The following RGS6 variants were observed in gnomAD, a reference collection of about 807,000 sequenced individuals.
RGS6 encodes regulator of G protein signaling 6.
RGS6 carries 30 observed loss-of-function variants against 78.5 expected under a neutral mutation model. That is an observed-to-expected ratio of 0.38 (90% CI 0.29 to 0.52). RGS6 has a LOEUF of 0.52. Ranked by LOEUF, RGS6 falls within the 20% of genes least tolerant of loss-of-function variation. RGS6 has a pLI of 0.85. For missense variants in RGS6, 495 were observed against 609.7 expected (o/e 0.81, Z 1.98); for synonymous variants, 206 against 206.0 (o/e 1.00, Z 0.00).
Position 72,337,203 on chromosome 14 carries a change from G to A in RGS6, c.85-14892G>A, listed in dbSNP as rs576687322. On this transcript the variant is annotated intron_variant, in intron 2 of 17. Coordinates refer to ENST00000553525, the MANE Select transcript of RGS6 (RefSeq NM_001204424.2). Reference sequence around the variant, plus strand: ...ATGAGACTGTGGTGCTTCTGATGTGGCTCAGCTCTGGAACTGACTCCCACC... The same window carrying A: ...ATGAGACTGTGGTGCTTCTGATGTGACTCAGCTCTGGAACTGACTCCCACC... Among the ~76,000 whole-genome samples, 15 of 152,122 alleles carry A rather than the reference G, an allele frequency of 9.9e-5. No homozygotes were observed. In the South Asian group the frequency reaches 1.2e-3, roughly 13 times the overall value.
At chr14:72,529,640 A>C (rs1286102613) in intron 15 of RGS6, among the ~76,000 whole-genome samples, 1 of 151,948 alleles carries the variant, frequency 6.6e-6, no homozygotes, top group Admixed American at 6.5e-5. Flanking sequence ...GTGAAGCTGC[A>C]AGACCAGACC....
chr14:72,242,005 T>C (rs749620821), intron 2 of RGS6, among the ~76,000 whole-genome samples: 48 of 152,272 alleles, frequency 3.2e-4, no homozygotes, highest in Non-Finnish European at 4.6e-4. Flanking sequence ...TGACCTATTT[T>C]ATCTCAACGC....
At chr14:72,567,039 A>C (rs985543186), downstream of RGS6, among the ~76,000 whole-genome samples, 2 of 152,364 alleles carry the variant, frequency 1.3e-5, no homozygotes, top group Admixed American at 1.3e-4. Flanking sequence ...TGACAAGAGG[A>C]GGATGAGCGC....
chr14:71,872,333 G>T, the RGS6 span, among the ~76,000 whole-genome samples: 1 of 152,158 alleles, frequency 6.6e-6, no homozygotes, highest in Non-Finnish European at 1.5e-5. Flanking sequence ...CCAGGACTAG[G>T]TTTGCCTGAT....
At chr14:71,905,984 A>G in the RGS6 span, among the ~76,000 whole-genome samples, 1 of 152,202 alleles carries the variant, frequency 6.6e-6, no homozygotes, top group Non-Finnish European at 1.5e-5. Flanking sequence ...TGGGATAGGC[A>G]CAGAAGCCAA....
At chr14:72,398,699 A>G (rs996731076) in intron 3 of RGS6, among the ~76,000 whole-genome samples, 1 of 152,186 alleles carries the variant, frequency 6.6e-6, no homozygotes, top group South Asian at 2.1e-4. Flanking sequence ...AGTGCTATAA[A>G]TTTCCCTCTA....
At chr14:72,254,000 C>T (rs1214381447) in intron 2 of RGS6, among the ~76,000 whole-genome samples, 6 of 152,126 alleles carry the variant, frequency 3.9e-5, no homozygotes, top group East Asian at 1.9e-4. Flanking sequence ...ATAATGTTTG[C>T]GTTGTAGACC....
At chr14:72,370,064 A>G (rs893832585) in intron 3 of RGS6, among the ~76,000 whole-genome samples, 2 of 152,142 alleles carry the variant, frequency 1.3e-5, no homozygotes, top group Admixed American at 1.3e-4. Flanking sequence ...TATATAATCA[A>G]AATTGATTTG....
chr14:72,135,460 T>C (rs1348656791), intron 2 of RGS6, among the ~76,000 whole-genome samples: 1 of 152,170 alleles, frequency 6.6e-6, no homozygotes, highest in African/African-American at 2.4e-5. Flanking sequence ...AGCTCTAAAC[T>C]TCTCTGAGTC....
chr14:72,152,239 AGAGAGAGTGTGTGTGTGTGTGTGT>A (rs1427866614), intron 2 of RGS6, among the ~76,000 whole-genome samples: 1 of 142,452 alleles, frequency 7.0e-6, no homozygotes, highest in African/African-American at 2.7e-5. Flanking sequence ...AGAGAGAGAG[AGAGAGAGTGTGTGTGTGTGTGTGT>A]GTGTGTGTGT....
chr14:71,909,780 C>T, the RGS6 span, among the ~76,000 whole-genome samples: 1 of 152,096 alleles, frequency 6.6e-6, no homozygotes, highest in Non-Finnish European at 1.5e-5. Flanking sequence ...GGATCCCAAA[C>T]TACAGGCAAG....
intron 2 of RGS6, among the ~76,000 whole-genome samples, chr14:72,052,286 A>G (rs1307565194): frequency 6.6e-6 from 1 of 152,248 alleles, no homozygotes; most frequent in East Asian, 1.9e-4. Flanking sequence ...AACATAGAAC[A>G]TATTAATGTG....
intron 2 of RGS6, among the ~76,000 whole-genome samples, chr14:72,347,149 C>G (rs1205809717): frequency 6.6e-6 from 1 of 152,180 alleles, no homozygotes; most frequent in Non-Finnish European, 1.5e-5. Context: ...TCCCTAATGA[C>G]ACAGAACTTC....
chr14:72,629,685 G>T, the RGS6 span: 4 of 1,536,100 alleles, frequency 2.6e-6, 1 homozygote, highest in South Asian at 4.8e-5. Context: ...CCACTTGTAG[G>T]TCTTGACAGC....
chr14:72,291,632 T>C (rs2063594038), intron 2 of RGS6, among the ~76,000 whole-genome samples: 1 of 152,196 alleles, frequency 6.6e-6, no homozygotes, highest in African/African-American at 2.4e-5. Flanking sequence ...AGCCAGACTT[T>C]CTGATGGGCT....
chr14:72,158,487 T>G (rs115756376), intron 2 of RGS6, among the ~76,000 whole-genome samples: 2,200 of 152,304 alleles, frequency 0.014, 48 homozygotes, highest in African/African-American at 0.05. Context: ...CCAGTCTTTT[T>G]GAAGACTTTC....
intron 2 of RGS6, among the ~76,000 whole-genome samples, chr14:72,246,009 T>A (rs1459649408): frequency 6.6e-6 from 1 of 152,234 alleles, no homozygotes; most frequent in Non-Finnish European, 1.5e-5. Context: ...TTGCTATACA[T>A]GCTGTTTTCC....
intron 1 of RGS6, among the ~76,000 whole-genome samples, chr14:71,939,413 A>G (rs528383280): frequency 1.1e-3 from 168 of 152,326 alleles, no homozygotes; most frequent in Non-Finnish European, 2.0e-3. Context: ...CATAACGTCA[A>G]TGTAATGGAC....
chr14:72,076,706 C>A (rs1030869840), intron 2 of RGS6, among the ~76,000 whole-genome samples: 1 of 151,756 alleles, frequency 6.6e-6, no homozygotes, highest in Admixed American at 6.6e-5. Context: ...TTTAAAATCT[C>A]GTTTTGTAGA....
Sources: gnomAD v4.1 joint callset for allele counts (sites outside exome capture counted in the v4.1 genomes callset) on GRCh38, gnomAD v4.1.1 for gene constraint, MANE v1.5 for transcripts, NCBI Gene and HGNC (gene_info 2026-07-23, HGNC 2026-07-21) for gene names.